Variants in CSMD2 observed in about 807,000 individuals in gnomAD.
CSMD2 encodes the protein CUB and Sushi multiple domains 2.
A neutral mutation model predicts 398.5 loss-of-function variants in CSMD2; 130 were observed. That is an observed-to-expected ratio of 0.33 (90% CI 0.28 to 0.38). The LOEUF (loss-of-function observed/expected upper bound fraction) is 0.38. CSMD2 is among the 10% of genes least tolerant of loss of function. CSMD2 has a pLI of 1.00. For synonymous variants in CSMD2, 1,828 were observed against 1,908.5 expected (o/e 0.96, Z 1.10); for missense variants, 3,829 against 4,764.9 (o/e 0.80, Z 5.78).
intron 68 of CSMD2, among the ~76,000 whole-genome samples, chr1:33,520,443 G>GA (rs1654162941): frequency 6.6e-6 from 1 of 152,188 alleles, no homozygotes; most frequent in African/African-American, 2.4e-5. Context: ...AACACAAGTA[G>GA]AAACTGTGGC....
intron 2 of CSMD2, among the ~76,000 whole-genome samples, chr1:34,039,071 G>A (rs1651520952): frequency 6.6e-6 from 1 of 152,132 alleles, no homozygotes; most frequent in Admixed American, 6.5e-5. Context: ...CTTCTAGAAA[G>A]GTGCATTCCT....
At chr1:33,844,850 T>C (rs1398660886) in intron 6 of CSMD2, among the ~76,000 whole-genome samples, 1 of 152,236 alleles carries the variant, frequency 6.6e-6, no homozygotes, top group Non-Finnish European at 1.5e-5. Flanking sequence ...TTCTGGGCTA[T>C]GCTAAGGATG....
intron 68 of CSMD2, among the ~76,000 whole-genome samples, chr1:33,520,856 G>T (rs948942612): frequency 6.6e-6 from 1 of 152,200 alleles, no homozygotes; most frequent in Non-Finnish European, 1.5e-5. Flanking sequence ...CTGCTTCTGA[G>T]AAACCAGACC....
intron 1 of CSMD2, among the ~76,000 whole-genome samples, chr1:34,134,339 G>C (rs920370155): frequency 1.3e-5 from 2 of 152,184 alleles, no homozygotes; most frequent in Non-Finnish European, 1.5e-5. Context: ...AGGGGATAAA[G>C]AGGCCGCAAA....
At chr1:33,851,575 A>C (rs570445850) in intron 5 of CSMD2, among the ~76,000 whole-genome samples, 1 of 152,302 alleles carries the variant, frequency 6.6e-6, no homozygotes, top group African/African-American at 2.4e-5. Context: ...ATACAATCAG[A>C]GAAACCCTTT....
chr1:33,829,867 A>G (rs12097352), intron 6 of CSMD2, among the ~76,000 whole-genome samples: 119,394 of 152,012 alleles, frequency 0.79, 47,733 homozygotes, highest in East Asian at 0.94. Context: ...TTCCGCACCT[A>G]GCTCGGAGGG....
intron 3 of CSMD2, among the ~76,000 whole-genome samples, chr1:33,936,875 G>A (rs866089917): frequency 6.6e-6 from 1 of 152,146 alleles, no homozygotes; most frequent in Non-Finnish European, 1.5e-5. Flanking sequence ...CCAGACTACC[G>A]TTTAAGTACC....
In CSMD2 at chr1:33,572,526, T is replaced by C. The variant is rs753099499; in HGVS notation, c.7742A>G (p.Asn2581Ser). Residue 2581 changes from asparagine to serine, a missense_variant, in exon 50 of 71, where the codon AAT (asparagine) becomes AGT (serine). This residue lies in a region of CSMD2 where 723 missense variants were observed against 758.6 expected (regional missense o/e 0.95). Transcript: ENST00000373381. ...CLDTGLWSNR[N>S]VPPQCVPVTC... ...CTCACGGACACACTGTGGTGGGACA[T>C]TGCGGTTGCTCCATAGGCCTGTGTC... 12 of 1,609,638 alleles carry C rather than the reference T, an allele frequency of 7.5e-6. No homozygotes were observed. The highest frequency in any genetic ancestry group is 1.3e-5 in the African/African-American group (1 of 74,932).
At chr1:34,067,524 G>T (rs959906899) in intron 2 of CSMD2, among the ~76,000 whole-genome samples, 1 of 152,146 alleles carries the variant, frequency 6.6e-6, no homozygotes, top group Non-Finnish European at 1.5e-5. Context: ...CCCAGGGGCT[G>T]CCAGGAAGAG....
At chr1:33,637,801 AG>A (rs1642892855) in intron 29 of CSMD2, among the ~76,000 whole-genome samples, 2 of 152,190 alleles carry the variant, frequency 1.3e-5, no homozygotes, top group South Asian at 4.1e-4. Flanking sequence ...AGAAGGACTC[AG>A]AAATTCAAAG....
chr1:34,143,699 AGAAG>A (rs972591410), intron 1 of CSMD2, among the ~76,000 whole-genome samples: 68 of 152,322 alleles, frequency 4.5e-4, no homozygotes, highest in African/African-American at 1.6e-3. Flanking sequence ...GGAGAAAAAA[AGAAG>A]GAAGGAAGGA....
At chr1:33,687,534 A>T (rs1645097650) in intron 25 of CSMD2, among the ~76,000 whole-genome samples, 1 of 152,202 alleles carries the variant, frequency 6.6e-6, no homozygotes, top group Admixed American at 6.5e-5. Context: ...ATTAAAGCAG[A>T]TCAGCTAACA....
intron 21 of CSMD2, among the ~76,000 whole-genome samples, chr1:33,712,753 T>C (rs895243720): frequency 1.3e-5 from 2 of 152,182 alleles, no homozygotes; most frequent in African/African-American, 4.8e-5. Context: ...TCCCAGAGAC[T>C]AAAGGAGCTG....
intron 15 of CSMD2, among the ~76,000 whole-genome samples, chr1:33,732,718 C>T (rs970078782): frequency 2.0e-5 from 3 of 152,146 alleles, no homozygotes; most frequent in Non-Finnish European, 2.9e-5. Context: ...GGTTGCTGTC[C>T]CCTGTGAGGG....
intron 64 of CSMD2, among the ~76,000 whole-genome samples, chr1:33,532,226 T>G (rs1655306406): frequency 6.6e-6 from 1 of 152,236 alleles, no homozygotes; most frequent in Non-Finnish European, 1.5e-5. Context: ...CTTGGACACA[T>G]TAATTAACTT....
At chr1:33,923,024 A>G (rs565032445) in intron 4 of CSMD2, among the ~76,000 whole-genome samples, 1 of 152,366 alleles carries the variant, frequency 6.6e-6, no homozygotes, top group African/African-American at 2.4e-5. Context: ...GCTAATTAGC[A>G]TATCAATCAA....
At chr1:33,784,476 A>G (rs982207238) in intron 12 of CSMD2, among the ~76,000 whole-genome samples, 1 of 152,192 alleles carries the variant, frequency 6.6e-6, no homozygotes, top group East Asian at 1.9e-4. Flanking sequence ...GGCCCACCCA[A>G]CTTAGCCCCT....
chr1:33,683,764 C>T (rs1355302355), intron 25 of CSMD2, among the ~76,000 whole-genome samples: 1 of 152,172 alleles, frequency 6.6e-6, no homozygotes, highest in Non-Finnish European at 1.5e-5. Context: ...TCCTCTCCTT[C>T]AAAAAATGTG....
chr1:33,519,490 T>A lies in CSMD2; in HGVS notation c.*28A>T. 6.2e-7 allele frequency: 1 copy of A among 1,607,094 alleles called. No homozygotes were observed. ...CGGCTGCTGGAGGCGGGGCTCTCGG[T>A]GGCGGTGGTGGCGGCCAGGCCGGGT... On this transcript the variant is annotated 3_prime_UTR_variant, in exon 70 of 71. Transcript: ENST00000373381. The surrounding 1 kb of genome is among the most constrained non-coding windows in gnomAD (Gnocchi z 5.6).
Sources: allele counts gnomAD v4.1 joint callset (sites outside exome capture counted in the v4.1 genomes callset), GRCh38; gene constraint gnomAD v4.1.1; regional missense constraint gnomAD v4.1.1; non-coding constraint Gnocchi (gnomAD v3.1); transcripts MANE v1.5; gene names NCBI Gene and HGNC (gene_info 2026-07-23, HGNC 2026-07-21).